TMTC2: variants seen among roughly 807,000 people sequenced by gnomAD.
The protein encoded by TMTC2 is transmembrane O-mannosyltransferase targeting cadherins 2, also known as protein O-mannosyl-transferase TMTC2.
A neutral mutation model predicts 82.4 loss-of-function variants in TMTC2; 43 were observed. The observed-to-expected ratio is 0.52, with a 90% CI of 0.41 to 0.67. TMTC2 has a LOEUF of 0.67. Ranked by LOEUF, TMTC2 falls within the 30% of genes least tolerant of loss-of-function variation. The pLI is 0.00. For synonymous variants in TMTC2, 408 were observed against 381.9 expected (o/e 1.07, Z -0.80); for missense variants, 919 against 1,012.4 (o/e 0.91, Z 1.25).
intron 8 of TMTC2, among the ~76,000 whole-genome samples, chr12:82,993,017 C>G (rs1364002238): frequency 2.6e-5 from 4 of 152,038 alleles, no homozygotes; most frequent in Non-Finnish European, 4.4e-5. Context: ...TGGATTCTCA[C>G]TCTGTCACCC....
At chr12:82,814,873 A>T (rs879641480) in intron 1 of TMTC2, among the ~76,000 whole-genome samples, 10 of 152,160 alleles carry the variant, frequency 6.6e-5, no homozygotes, top group Admixed American at 1.3e-4. Context: ...GCAGTTTGAG[A>T]ATCAGTGCTG....
chr12:83,013,500 T>C (rs1880548998), intron 8 of TMTC2, among the ~76,000 whole-genome samples: 1 of 152,220 alleles, frequency 6.6e-6, no homozygotes, highest in East Asian at 1.9e-4. Flanking sequence ...AGAAGCTATC[T>C]GCTGGATATA....
At chr12:82,881,957 A>G (rs945640899) in intron 2 of TMTC2, among the ~76,000 whole-genome samples, 6 of 146,504 alleles carry the variant, frequency 4.1e-5, no homozygotes, top group South Asian at 4.3e-4. Flanking sequence ...ACCTTTTCCC[A>G]CGTTACCCAT....
intron 1 of TMTC2, among the ~76,000 whole-genome samples, chr12:82,721,588 CTG>C (rs1412038198): frequency 2.6e-5 from 4 of 152,078 alleles, no homozygotes; most frequent in African/African-American, 9.7e-5. Context: ...CAACAGTTAA[CTG>C]AGATAATTTC....
chr12:82,926,029 T>C (rs2137236024), intron 3 of TMTC2, among the ~76,000 whole-genome samples: 1 of 150,538 alleles, frequency 6.6e-6, no homozygotes, highest in African/African-American at 2.4e-5. Flanking sequence ...GTCGCCAGGC[T>C]AGAGTGCAGT....
chr12:83,107,810 C>T (rs565271202), intron 11 of TMTC2, among the ~76,000 whole-genome samples: 1 of 152,018 alleles, frequency 6.6e-6, no homozygotes, highest in African/African-American at 2.4e-5. Flanking sequence ...ATTTAAATCA[C>T]CACGCTGAAT....
chr12:83,051,069 T>A, intron 10 of TMTC2, 51 bp downstream of exon 10: 1 of 1,333,840 alleles, frequency 7.5e-7, no homozygotes, highest in Non-Finnish European at 1.0e-6. Flanking sequence ...AGAGGGTAAT[T>A]AATTATACGA....
chr12:82,834,573 T>C (rs1391170127), intron 1 of TMTC2, among the ~76,000 whole-genome samples: 5 of 152,212 alleles, frequency 3.3e-5, no homozygotes, highest in Non-Finnish European at 4.4e-5. Context: ...ATTTTAGTTA[T>C]TTAAAGACAT....
intron 1 of TMTC2, among the ~76,000 whole-genome samples, chr12:82,736,593 C>T (rs1875136726): frequency 6.6e-6 from 1 of 152,144 alleles, no homozygotes; most frequent in African/African-American, 2.4e-5. Flanking sequence ...CAAACCTTTA[C>T]TAGGTTATGT....
At chr12:83,032,257 TTATATATATATATATATATATA>T (rs57604518) in intron 9 of TMTC2, among the ~76,000 whole-genome samples, 9 of 130,858 alleles carry the variant, frequency 6.9e-5, no homozygotes, top group African/African-American at 2.4e-4. Context: ...AGAGAATATT[TTATATATATATATATATATATA>T]TATATATATA....
chr12:82,860,219 G>A (rs908353671), intron 2 of TMTC2, among the ~76,000 whole-genome samples: 1 of 152,104 alleles, frequency 6.6e-6, no homozygotes, highest in African/African-American at 2.4e-5. Context: ...TGATCCGCCC[G>A]CCTCAGCCTC....
intron 3 of TMTC2, among the ~76,000 whole-genome samples, chr12:82,900,721 AT>A (rs1375978608): frequency 2.1e-5 from 3 of 142,766 alleles, no homozygotes; most frequent in Non-Finnish European, 4.5e-5. Context: ...GAATATATAT[AT>A]ATAGGAATAT....
chr12:82,732,786 G>T (rs1874896787), intron 1 of TMTC2, among the ~76,000 whole-genome samples: 1 of 152,182 alleles, frequency 6.6e-6, no homozygotes, highest in African/African-American at 2.4e-5. Context: ...TAATTTTATA[G>T]TTCTAATTTG....
At chr12:82,876,118 G>GTGA (rs1872542050) in intron 2 of TMTC2, among the ~76,000 whole-genome samples, 50 of 148,114 alleles carry the variant, frequency 3.4e-4, no homozygotes, top group African/African-American at 4.0e-4. Context: ...GGTGGTGGTG[G>GTGA]TGGTATTAGT....
chr12:82,986,248 A>T, intron 8 of TMTC2: 1 of 587,184 alleles, frequency 1.7e-6, no homozygotes, highest in Non-Finnish European at 3.0e-6. Context: ...AAGATGTGAG[A>T]TGTCTGTATC....
At chr12:82,815,675 T>C (rs929734985) in intron 1 of TMTC2, among the ~76,000 whole-genome samples, 1 of 152,060 alleles carries the variant, frequency 6.6e-6, no homozygotes, top group Non-Finnish European at 1.5e-5. Flanking sequence ...TATTTTGGCT[T>C]ATTTTATCCC....
At chr12:82,728,976 C>A (rs946336437) in intron 1 of TMTC2, among the ~76,000 whole-genome samples, 7 of 152,228 alleles carry the variant, frequency 4.6e-5, no homozygotes, top group Non-Finnish European at 1.5e-5. Flanking sequence ...GGGCTCGGGA[C>A]CTGCAGCACC....
chr12:82,912,287 G>A (rs1189655711), intron 3 of TMTC2, among the ~76,000 whole-genome samples: 1 of 152,082 alleles, frequency 6.6e-6, no homozygotes, highest in Non-Finnish European at 1.5e-5. Flanking sequence ...GTCAAAGCAT[G>A]GCGTTTTCTT....
chr12:82,691,509 TGAAG>T (rs1872577122), intron 1 of TMTC2, among the ~76,000 whole-genome samples: 2 of 152,190 alleles, frequency 1.3e-5, no homozygotes, highest in African/African-American at 4.8e-5. Context: ...TTATTTAAAA[TGAAG>T]GAATGGAATT....
Sources: gnomAD v4.1 joint callset for allele counts (sites outside exome capture counted in the v4.1 genomes callset) on GRCh38, gnomAD v4.1.1 for gene constraint, MANE v1.5 for transcripts, NCBI Gene and HGNC (gene_info 2026-07-23, HGNC 2026-07-21) for gene names.